Variants in CTNNA2 observed in about 807,000 individuals in gnomAD.
CTNNA2 encodes the protein catenin alpha-2.
Under a neutral mutation model 101.0 loss-of-function variants are expected in CTNNA2, and 42 were observed. The ratio of observed to expected loss-of-function variants is 0.42; its 90% CI spans 0.32 to 0.54. CTNNA2 has a LOEUF of 0.54. Ranked by LOEUF, CTNNA2 falls within the 20% of genes least tolerant of loss-of-function variation. The probability of loss-of-function intolerance (pLI) is 0.14; values close to 1 mark genes in which losing one functional copy is unlikely to be tolerated. For missense variants in CTNNA2, 871 were observed against 1,223.1 expected (o/e 0.71, Z 4.29); for synonymous variants, 450 against 456.4 (o/e 0.99, Z 0.18).
intron 7 of CTNNA2, among the ~76,000 whole-genome samples, chr2:79,959,529 C>T (rs1463413469): frequency 1.3e-5 from 2 of 152,174 alleles, no homozygotes; most frequent in African/African-American, 4.8e-5. Flanking sequence ...AATGCCTTGC[C>T]TCTATGTGAA....
chr2:80,589,506 G>C (rs1487436384), intron 15 of CTNNA2, 21 bp downstream of exon 15: 1 of 1,605,764 alleles, frequency 6.2e-7, no homozygotes, highest in East Asian at 2.2e-5. Flanking sequence ...GAGCCAGGGA[G>C]CTGAAGATTT....
intron 9 of CTNNA2, among the ~76,000 whole-genome samples, chr2:80,537,704 C>T (rs1439081882): frequency 3.3e-5 from 5 of 152,066 alleles, no homozygotes; most frequent in Non-Finnish European, 5.9e-5. Context: ...AGCAACTCTC[C>T]TGCCTCAGCC....
chr2:80,003,567 G>GT (rs905729221), intron 7 of CTNNA2, among the ~76,000 whole-genome samples: 9 of 152,074 alleles, frequency 5.9e-5, no homozygotes, highest in South Asian at 2.1e-4. Flanking sequence ...GAAGCCATGA[G>GT]TTTTTTTTCA....
At chr2:80,481,554 G>A (rs548705029) in intron 9 of CTNNA2, among the ~76,000 whole-genome samples, 20 of 152,182 alleles carry the variant, frequency 1.3e-4, no homozygotes, top group East Asian at 9.7e-4. Context: ...TGGTACAATC[G>A]CTTGGTAAAC....
At chr2:79,855,721 A>G (rs568737728) in intron 3 of CTNNA2, among the ~76,000 whole-genome samples, 2 of 33,938 alleles carry the variant, frequency 5.9e-5, no homozygotes, top group African/African-American at 2.2e-4. Flanking sequence ...GGGATCAACC[A>G]TGTAGCTACC....
At chr2:79,205,078 A>T (rs1674084473) in intron 2 of CTNNA2, among the ~76,000 whole-genome samples, 1 of 152,228 alleles carries the variant, frequency 6.6e-6, no homozygotes, top group Non-Finnish European at 1.5e-5. Context: ...AATAGGATGC[A>T]ATGGAAGCAG....
chr2:79,584,745 C>T (rs1335595958), intron 1 of CTNNA2, among the ~76,000 whole-genome samples: 1 of 152,110 alleles, frequency 6.6e-6, no homozygotes, highest in African/African-American at 2.4e-5. Flanking sequence ...GTCTCGAACT[C>T]CTGACCTTAG....
chr2:80,587,056 C>A (rs1024354815), intron 14 of CTNNA2, among the ~76,000 whole-genome samples: 3 of 152,146 alleles, frequency 2.0e-5, no homozygotes, highest in African/African-American at 7.2e-5. Context: ...CCAGGCACAA[C>A]TGATGATCCA....
At chr2:80,548,063 A>C (rs768250350) in intron 11 of CTNNA2, among the ~76,000 whole-genome samples, 1 of 152,174 alleles carries the variant, frequency 6.6e-6, no homozygotes, top group Non-Finnish European at 1.5e-5. Flanking sequence ...AGATACCTCC[A>C]CAAAATGAAT....
At chr2:80,619,064 T>A in intron 17 of CTNNA2, 21 bp from the exon 18 acceptor site, 1 of 1,449,638 alleles carries the variant, frequency 6.9e-7, no homozygotes, top group Non-Finnish European at 9.2e-7. Context: ...TTCTCTCTTT[T>A]CTGTATCTCT....
intron 9 of CTNNA2, among the ~76,000 whole-genome samples, chr2:80,539,412 C>CA (rs70940083): frequency 0.55 from 67,173 of 123,108 alleles, 17,311 homozygotes; most frequent in African/African-American, 0.68. Context: ...CCAGAAGAGC[C>CA]AAAAAAAAAA....
At chr2:79,216,667 A>G (rs1674264871) in intron 2 of CTNNA2, among the ~76,000 whole-genome samples, 1 of 143,064 alleles carries the variant, frequency 7.0e-6, no homozygotes, top group Non-Finnish European at 1.5e-5. Flanking sequence ...TCCCTAGAAA[A>G]GCGGTACTTG....
chr2:79,204,312 T>G (rs1394715166), intron 2 of CTNNA2, among the ~76,000 whole-genome samples: 3 of 152,202 alleles, frequency 2.0e-5, no homozygotes, highest in Non-Finnish European at 4.4e-5. Flanking sequence ...GGACACCTAT[T>G]TCTTTTGTTA....
chr2:79,449,377 C>T (rs1247893762), intron 4 of CTNNA2, among the ~76,000 whole-genome samples: 1 of 151,916 alleles, frequency 6.6e-6, no homozygotes, highest in Non-Finnish European at 1.5e-5. Flanking sequence ...ATGCCAACAT[C>T]AGAAGCAAAA....
intron 7 of CTNNA2, among the ~76,000 whole-genome samples, chr2:80,308,827 C>G (rs1677267235): frequency 6.6e-6 from 1 of 152,084 alleles, no homozygotes; most frequent in African/African-American, 2.4e-5. Flanking sequence ...TGCCTGTAAT[C>G]CCAGCACTTT....
chr2:80,557,846 T>A (rs892853962), intron 12 of CTNNA2, among the ~76,000 whole-genome samples: 3 of 152,152 alleles, frequency 2.0e-5, no homozygotes, highest in Admixed American at 1.3e-4. Flanking sequence ...TCTGGTTGAT[T>A]TTTCTACTTT....
chr2:80,232,380 T>G (rs1191812415), intron 7 of CTNNA2, among the ~76,000 whole-genome samples: 4 of 83,004 alleles, frequency 4.8e-5, no homozygotes, highest in Admixed American at 1.3e-4. Flanking sequence ...TTTTTTTTTT[T>G]TTTTTTTTGT....
chr2:79,719,333 T>C (rs557240052), intron 2 of CTNNA2, among the ~76,000 whole-genome samples: 4 of 152,296 alleles, frequency 2.6e-5, no homozygotes, highest in African/African-American at 9.6e-5. Flanking sequence ...CCTAGGTTGA[T>C]TCCATGATGT....
intron 9 of CTNNA2, among the ~76,000 whole-genome samples, chr2:80,438,542 G>T (rs1158997491): frequency 6.6e-6 from 1 of 152,040 alleles, no homozygotes; most frequent in African/African-American, 2.4e-5. Flanking sequence ...ACACCCCAGA[G>T]ATGAATTTTA....
Sources: gnomAD v4.1 joint callset for allele counts (sites outside exome capture counted in the v4.1 genomes callset) on GRCh38, gnomAD v4.1.1 for gene constraint, MANE v1.5 for transcripts, NCBI Gene and HGNC (gene_info 2026-07-23, HGNC 2026-07-21) for gene names.